The following ZNF385D variants were observed in gnomAD, a reference collection of about 807,000 sequenced individuals.
ZNF385D encodes the protein zinc finger protein 385D.
ZNF385D carries 15 observed loss-of-function variants against 35.8 expected under a neutral mutation model. The observed-to-expected ratio is 0.42, with a 90% CI of 0.28 to 0.64. The LOEUF (loss-of-function observed/expected upper bound fraction) is 0.64, where lower values mean the gene tolerates loss of function less well. Among genes scored for constraint, ZNF385D ranks in the 30% least tolerant of loss-of-function variants. ZNF385D has a pLI of 0.23. For synonymous variants in ZNF385D, 212 were observed against 186.8 expected (o/e 1.13, Z -1.10); for missense variants, 474 against 494.6 (o/e 0.96, Z 0.39).
intron 3 of ZNF385D, among the ~76,000 whole-genome samples, chr3:22,089,454 C>T (rs1701212366): frequency 6.6e-6 from 1 of 152,160 alleles, no homozygotes; most frequent in South Asian, 2.1e-4. Context: ...CCTGTGAGTT[C>T]CCAAAGACAG....
chr3:22,129,568 G>A (rs2125682618), intron 3 of ZNF385D, among the ~76,000 whole-genome samples: 1 of 152,200 alleles, frequency 6.6e-6, no homozygotes. Flanking sequence ...ACTTATCCCT[G>A]TCCTTTCCTG....
At chr3:22,317,780 G>T (rs1288502924) in intron 2 of ZNF385D, among the ~76,000 whole-genome samples, 1 of 152,118 alleles carries the variant, frequency 6.6e-6, no homozygotes, top group African/African-American at 2.4e-5. Flanking sequence ...TGTGAATCAG[G>T]CTGGGCATGG....
intron 4 of ZNF385D, among the ~76,000 whole-genome samples, chr3:21,479,542 T>A (rs1704470332): frequency 6.6e-6 from 1 of 152,176 alleles, no homozygotes; most frequent in Non-Finnish European, 1.5e-5. Context: ...ATGCAAATAT[T>A]TCTTTGTATG....
At chr3:21,795,101 T>A (rs550305247) in intron 3 of ZNF385D, among the ~76,000 whole-genome samples, 1 of 152,322 alleles carries the variant, frequency 6.6e-6, no homozygotes, top group South Asian at 2.1e-4. Context: ...TATAAAAGAA[T>A]TAAATGCTTA....
At chr3:22,156,365 G>A (rs1443153961) in intron 3 of ZNF385D, among the ~76,000 whole-genome samples, 1 of 151,894 alleles carries the variant, frequency 6.6e-6, no homozygotes, top group Non-Finnish European at 1.5e-5. Context: ...AAGACCAGAT[G>A]CAAACTGTGG....
At chr3:21,615,880 T>C (rs2064833222) in intron 2 of ZNF385D, among the ~76,000 whole-genome samples, 1 of 151,604 alleles carries the variant, frequency 6.6e-6, no homozygotes, top group African/African-American at 2.4e-5. Context: ...GGAAAAGGCA[T>C]ACCAAGCTAA....
At chr3:22,076,048 C>G (rs1700448168) in intron 3 of ZNF385D, among the ~76,000 whole-genome samples, 1 of 151,882 alleles carries the variant, frequency 6.6e-6, no homozygotes, top group African/African-American at 2.4e-5. Flanking sequence ...TCCCCCATTA[C>G]CAACTGAGTC....
chr3:22,140,160 G>A (rs1170832270), intron 3 of ZNF385D, among the ~76,000 whole-genome samples: 1 of 152,148 alleles, frequency 6.6e-6, no homozygotes, highest in Non-Finnish European at 1.5e-5. Context: ...GTTTATAGGA[G>A]CTTTGTAATA....
chr3:21,839,805 G>C (rs1015392156), intron 3 of ZNF385D, among the ~76,000 whole-genome samples: 1 of 151,932 alleles, frequency 6.6e-6, no homozygotes, highest in Non-Finnish European at 1.5e-5. Context: ...ACCTGCACTT[G>C]ACCCTCATTA....
At chr3:21,537,393 G>A (rs1575126499) in intron 3 of ZNF385D, among the ~76,000 whole-genome samples, 1 of 151,650 alleles carries the variant, frequency 6.6e-6, no homozygotes, top group African/African-American at 2.4e-5. Context: ...TCGGGTTACA[G>A]GCATCTGTAA....
chr3:22,099,682 G>T (rs945265785), intron 3 of ZNF385D, among the ~76,000 whole-genome samples: 2 of 152,002 alleles, frequency 1.3e-5, no homozygotes, highest in Non-Finnish European at 1.5e-5. Context: ...TCCTGGACTT[G>T]CAGCAGACCC....
At chr3:21,544,001 G>A (rs1160737801) in intron 3 of ZNF385D, among the ~76,000 whole-genome samples, 2 of 152,128 alleles carry the variant, frequency 1.3e-5, no homozygotes, top group Admixed American at 6.5e-5. Flanking sequence ...ATTTTTTTGT[G>A]TGTGTGTAGT....
At chr3:21,761,041 A>T (rs1422545041) in intron 3 of ZNF385D, among the ~76,000 whole-genome samples, 1 of 152,174 alleles carries the variant, frequency 6.6e-6, no homozygotes, top group African/African-American at 2.4e-5. Context: ...CACTTTAGGA[A>T]TAGCCACCTG....
At chr3:21,687,747 T>A (rs1435473523) in intron 1 of ZNF385D, among the ~76,000 whole-genome samples, 2 of 152,164 alleles carry the variant, frequency 1.3e-5, no homozygotes, top group Non-Finnish European at 2.9e-5. Context: ...AAAAGGTGGA[T>A]CTAAATTCAT....
At chr3:22,354,767 A>T (rs1343369819) in intron 2 of ZNF385D, among the ~76,000 whole-genome samples, 1 of 152,094 alleles carries the variant, frequency 6.6e-6, no homozygotes, top group African/African-American at 2.4e-5. Context: ...TACCAGAAAC[A>T]ATCATGATGA....
At chr3:22,087,823 A>T (rs1390525033) in intron 3 of ZNF385D, among the ~76,000 whole-genome samples, 1 of 152,260 alleles carries the variant, frequency 6.6e-6, no homozygotes, top group East Asian at 1.9e-4. Context: ...ATCAAAGTTT[A>T]AAAAAAGCAG....
intron 3 of ZNF385D, among the ~76,000 whole-genome samples, chr3:22,032,447 C>T (rs1211835956): frequency 6.6e-6 from 1 of 152,170 alleles, no homozygotes; most frequent in African/African-American, 2.4e-5. Flanking sequence ...ACTAGAACAG[C>T]ATGGAGGAAA....
At chr3:21,570,951 T>A (rs1352220831) in intron 2 of ZNF385D, among the ~76,000 whole-genome samples, 1 of 152,208 alleles carries the variant, frequency 6.6e-6, no homozygotes, top group African/African-American at 2.4e-5. Context: ...TAAAAATTCC[T>A]TAAAACCTCA....
intron 3 of ZNF385D, among the ~76,000 whole-genome samples, chr3:21,856,880 T>A (rs188567516): frequency 5.6e-4 from 85 of 152,232 alleles, no homozygotes; most frequent in African/African-American, 1.8e-3. Context: ...TCCAAATCAC[T>A]GTCTTAGAAA....
Sources: allele counts gnomAD v4.1 joint callset (sites outside exome capture counted in the v4.1 genomes callset), GRCh38; gene constraint gnomAD v4.1.1; transcripts MANE v1.5; gene names NCBI Gene and HGNC (gene_info 2026-07-23, HGNC 2026-07-21).